Variants in SLC5A10 observed in about 807,000 individuals in gnomAD.
SLC5A10 encodes the protein sodium/mannose cotransporter SLC5A10.
In SLC5A10, 55 loss-of-function variants were observed where a neutral mutation model predicts 68.9. The ratio of observed to expected loss-of-function variants is 0.80; its 90% CI spans 0.64 to 1.00. The LOEUF (loss-of-function observed/expected upper bound fraction) is 1.00. SLC5A10 is among the 50% of genes least tolerant of loss of function. The probability of loss-of-function intolerance (pLI) is 0.00; values close to 1 mark genes in which losing one functional copy is unlikely to be tolerated. For missense variants in SLC5A10, 732 were observed against 819.3 expected (o/e 0.89, Z 1.30); for synonymous variants, 344 against 344.8 (o/e 1.00, Z 0.02).
rs774547171 is a variant in SLC5A10, at chr17:18,971,580, C to T, written c.846+362C>T. The T allele has an allele frequency of 1.2e-6, 2 of 1,613,604 alleles. No individual in the cohort carries two copies. The highest frequency in any genetic ancestry group is 2.2e-5 in the East Asian group (1 of 44,866). On this transcript the variant is annotated intron_variant, in intron 8 of 14. Coordinates refer to ENST00000395645, the MANE Select transcript of SLC5A10 (RefSeq NM_001042450.4). The surrounding 1 kb of genome is among the most constrained non-coding windows in gnomAD (Gnocchi z 5.5). ...CCGGGATCCGGAAGCAGGCGGGGTACCTGACCTCCCTTGGCCTGCCAGTGG... is the reference window on the plus strand; with the variant it reads ...CCGGGATCCGGAAGCAGGCGGGGTATCTGACCTCCCTTGGCCTGCCAGTGG...
At chr17:19,016,438 T>C (rs1368828336) in intron 11 of SLC5A10, among the ~76,000 whole-genome samples, 1 of 152,074 alleles carries the variant, frequency 6.6e-6, no homozygotes, top group Non-Finnish European at 1.5e-5. Flanking sequence ...CCTCTTGTTG[T>C]CCTCTGAGCA....
chr17:19,009,745 G>A (rs1010213243), intron 9 of SLC5A10, among the ~76,000 whole-genome samples: 2 of 152,140 alleles, frequency 1.3e-5, no homozygotes, highest in Non-Finnish European at 1.5e-5. Flanking sequence ...GCTAAGCACT[G>A]TTGAGACCCA....
rs531034854 is a variant in SLC5A10, at chr17:18,968,096, C to A, written c.454-956C>A. Among the ~76,000 whole-genome samples, 3 of 152,068 alleles carry A rather than the reference C, an allele frequency of 2.0e-5. No individual in the cohort carries two copies. The highest frequency in any genetic ancestry group is 4.4e-5 in the Non-Finnish European group (3 of 68,000). ...ATCCTGCCTGGGCCCTGTGTCAGAC[C>A]CCAGGAGGCAGGGATCCCTGCCTGG... On this transcript the variant is annotated intron_variant, in intron 5 of 14. Coordinates refer to ENST00000395645, the MANE Select transcript of SLC5A10 (RefSeq NM_001042450.4). The surrounding 1 kb of genome is among the most constrained non-coding windows in gnomAD (Gnocchi z 4.1).
chr17:18,977,588 G>A lies in SLC5A10; in HGVS notation c.982+599G>A, dbSNP rs532245695. The A allele has an allele frequency of 1.7e-5, 27 of 1,607,694 alleles. No individual in the cohort carries two copies. The South Asian group carries it at 2.6e-4, about 16-fold the overall frequency. The stretch of plus-strand genomic sequence containing the variant: ...TGTGCAGGGACCCTGACCCACCTGT[G>A]CCTCCTTGTCTGTGGAGCGCTGGGC... On this transcript the variant is annotated intron_variant, in intron 9 of 14. Transcript: ENST00000395645.
At chr17:19,007,125 C>T (rs2043908802) in intron 9 of SLC5A10, among the ~76,000 whole-genome samples, 1 of 152,010 alleles carries the variant, frequency 6.6e-6, no homozygotes, top group African/African-American at 2.4e-5. Flanking sequence ...TACCATTTCA[C>T]ATTCTCACCA....
chr17:18,961,099 G>A (rs1179880929), intron 5 of SLC5A10, among the ~76,000 whole-genome samples: 1 of 152,176 alleles, frequency 6.6e-6, no homozygotes, highest in Non-Finnish European at 1.5e-5. Flanking sequence ...ACCCATCCTT[G>A]GGGGCCTGGC....
Position 19,022,017 on chromosome 17 carries a change from C to A in SLC5A10, c.*1586C>A. ...GAAGAAGCCAACGCGCCCGCAGGAC[C>A]GGCCCCGCCACCAGTGGGGGTCTGG... On this transcript the variant is annotated 3_prime_UTR_variant, in exon 15 of 15. Coordinates refer to ENST00000395645, the MANE Select transcript of SLC5A10 (RefSeq NM_001042450.4). 6.3e-7 allele frequency: 1 copy of A among 1,598,216 alleles called. No individual in the cohort carries two copies. Among genetic ancestry groups the A allele is most frequent in the Non-Finnish European group, 8.5e-7 (1 of 1,173,324 alleles).
rs1056479091 is a variant in SLC5A10 at position 19,004,645 on chromosome 17, G to A, written c.983-8765G>A. 2.0e-5 allele frequency: 3 copies of A among 151,946 alleles called. No individual in the cohort carries two copies. Among genetic ancestry groups the A allele is most frequent in the Admixed American group, 6.5e-5 (1 of 15,274 alleles). 9.4% of individuals were successfully genotyped at this position (151,946 alleles called of 1,614,324 possible). ...AGGGGTCCAGGAGACCCAGAAACGCGGTTGCGGGGCGGCGACGCCCCGCGA... is the reference window on the plus strand; with the variant it reads ...AGGGGTCCAGGAGACCCAGAAACGCAGTTGCGGGGCGGCGACGCCCCGCGA... On this transcript the variant is annotated intron_variant, in intron 9 of 14. Coordinates refer to ENST00000395645, the MANE Select transcript of SLC5A10 (RefSeq NM_001042450.4). The surrounding 1 kb of genome is among the most constrained non-coding windows in gnomAD (Gnocchi z 5.4).
Position 18,952,168 on chromosome 17 carries a change from C to T in SLC5A10, c.-38C>T, listed in dbSNP as rs961155497. On this transcript the variant is annotated 5_prime_UTR_variant, in exon 1 of 15. Transcript: ENST00000395645. ...TTTCTGACCTGGTTTGCCCCTCAGT[C>T]CCTCGGGCTCATACCTAGTGCCTGC... 6.9e-6 allele frequency: 11 copies of T among 1,596,046 alleles called. No homozygotes were observed. Among genetic ancestry groups the T allele is most frequent in the Non-Finnish European group, 9.4e-6 (11 of 1,171,782 alleles).
At chr17:18,981,867 T>A (rs1399409891) in intron 9 of SLC5A10, among the ~76,000 whole-genome samples, 1 of 152,164 alleles carries the variant, frequency 6.6e-6, no homozygotes, top group Non-Finnish European at 1.5e-5. Context: ...GTACCCAACA[T>A]GGAGCACGCT....
intron 9 of SLC5A10, among the ~76,000 whole-genome samples, chr17:19,006,370 T>G (rs1032220010): frequency 6.6e-6 from 1 of 151,828 alleles, no homozygotes; most frequent in Non-Finnish European, 1.5e-5. Context: ...AGAGACACCA[T>G]GCCCAGCTAA....
intron 9 of SLC5A10, among the ~76,000 whole-genome samples, chr17:19,009,790 G>C (rs2043976361): frequency 6.6e-6 from 1 of 152,196 alleles, no homozygotes. Context: ...CATAGTCTGG[G>C]TGGGAGACAG....
chr17:19,000,158 C>T lies in SLC5A10; in HGVS notation c.983-13252C>T, dbSNP rs1306080397. On this transcript the variant is annotated intron_variant, in intron 9 of 14. Transcript: ENST00000395645. The surrounding 1 kb of genome is among the most constrained non-coding windows in gnomAD (Gnocchi z 5.2). The stretch of plus-strand genomic sequence containing the variant: ...AGGTTTTTTCCCAGATAAATCATGG[C>T]TCCTGGGGCTAGGGGAGGGGCAGGC... 3.3e-5 allele frequency among the ~76,000 whole-genome samples: 5 copies of T among 152,320 alleles called. No homozygotes were observed. Among genetic ancestry groups the T allele is most frequent in the Non-Finnish European group, 7.4e-5 (5 of 68,022 alleles).
In SLC5A10 at chr17:18,996,912, T is replaced by G. The variant is rs2043584246; in HGVS notation, c.983-16498T>G. Among the ~76,000 whole-genome samples, 1 of 152,260 alleles carries G rather than the reference T, an allele frequency of 6.6e-6. No individual in the cohort carries two copies. The highest frequency in any genetic ancestry group is 1.5e-5 in the Non-Finnish European group (1 of 68,040). On this transcript the variant is annotated intron_variant, in intron 9 of 14. Transcript: ENST00000395645. This position sits in a 1 kb window ranked among gnomAD's most constrained non-coding sequence, Gnocchi z 4.4. ...TGGAAGGTTAATGCCTGGGCCTCCC[T>G]GGCTCTGCCATGCCTTCCCTGGGTG...
intron 9 of SLC5A10, among the ~76,000 whole-genome samples, chr17:19,007,733 G>T (rs1295899242): frequency 1.3e-5 from 2 of 152,124 alleles, no homozygotes; most frequent in East Asian, 3.8e-4. Context: ...TCCTCTTCGA[G>T]GTGTCTTACA....
intron 11 of SLC5A10, 65 bp from the exon 12 acceptor site, chr17:19,019,358 G>A: frequency 6.4e-7 from 1 of 1,550,618 alleles, no homozygotes; most frequent in Admixed American, 1.8e-5. Flanking sequence ...TAGTGACCAG[G>A]GGAGGTGGGA....
intron 1 of SLC5A10, among the ~76,000 whole-genome samples, chr17:18,954,613 G>A (rs1354030108): frequency 6.6e-6 from 1 of 152,220 alleles, no homozygotes; most frequent in Non-Finnish European, 1.5e-5. Flanking sequence ...GTGCAGCCCT[G>A]CAAAGATGTT....
chr17:19,020,103 C>A (rs2044233111), intron 13 of SLC5A10, 52 bp from the exon 14 acceptor site: 1 of 1,040,830 alleles, frequency 9.6e-7, no homozygotes, highest in African/African-American at 1.6e-5. Flanking sequence ...TCTGGGTCAC[C>A]CCCACCCTGC....
At position 19,000,235 on chromosome 17, in the gene SLC5A10, G is replaced by A. The variant is rs1046118037; in HGVS notation, c.983-13175G>A. ...GCCCACTAGGGCTGGAGGGAGGCTG[G>A]AGGGCACAAGCTGCTGAGAGTGAGA... On this transcript the variant is annotated intron_variant, in intron 9 of 14. Coordinates refer to ENST00000395645, the MANE Select transcript of SLC5A10 (RefSeq NM_001042450.4). This position sits in a 1 kb window ranked among gnomAD's most constrained non-coding sequence, Gnocchi z 5.2. 9.9e-5 allele frequency among the ~76,000 whole-genome samples: 15 copies of A among 152,214 alleles called. No homozygotes were observed. The highest frequency in any genetic ancestry group is 2.2e-4 in the Non-Finnish European group (15 of 68,026).
Sources: allele counts gnomAD v4.1 joint callset (sites outside exome capture counted in the v4.1 genomes callset), GRCh38; gene constraint gnomAD v4.1.1; non-coding constraint Gnocchi (gnomAD v3.1); transcripts MANE v1.5; gene names NCBI Gene and HGNC (gene_info 2026-07-23, HGNC 2026-07-21).